The following METTL15 variants were observed in gnomAD, a reference collection of about 807,000 sequenced individuals.
METTL15 encodes the protein methyltransferase 15, mitochondrial 12S rRNA N4-cytidine, also known as 12S rRNA N(4)-cytidine methyltransferase METTL15.
METTL15 carries 34 observed loss-of-function variants against 38.3 expected under a neutral mutation model. The observed-to-expected ratio is 0.89, with a 90% CI of 0.68 to 1.18. The LOEUF is 1.18. Ranked by LOEUF, METTL15 falls within the 50% of genes most tolerant of loss-of-function variation. The pLI, the probability that METTL15 is intolerant of heterozygous loss-of-function variation, is 0.00. For synonymous variants in METTL15, 162 were observed against 170.9 expected (o/e 0.95, Z 0.41); for missense variants, 438 against 498.4 (o/e 0.88, Z 1.15).
intron 6 of METTL15, among the ~76,000 whole-genome samples, chr11:28,434,147 G>A (rs1378704342): frequency 6.6e-6 from 1 of 152,102 alleles, no homozygotes; most frequent in African/African-American, 2.4e-5. Context: ...CTGTTCTTGT[G>A]ATAGTGAGTT....
intron 6 of METTL15, among the ~76,000 whole-genome samples, chr11:28,444,506 T>A (rs1408184307): frequency 1.3e-5 from 2 of 152,212 alleles, no homozygotes; most frequent in East Asian, 3.8e-4. Context: ...ACTACTCAAC[T>A]GTAAGCCCAC....
intron 3 of METTL15, among the ~76,000 whole-genome samples, chr11:28,119,945 G>A (rs1852142262): frequency 6.6e-6 from 1 of 152,038 alleles, no homozygotes; most frequent in Non-Finnish European, 1.5e-5. Flanking sequence ...GCACCTAGAG[G>A]GAGATATCTT....
At position 28,369,005 on chromosome 11, in the gene METTL15, G is replaced by T. The variant is rs528647354; in HGVS notation, c.*358+6969G>T. On this transcript the variant is annotated intron_variant and NMD_transcript_variant, in intron 5 of 7. Transcript: ENST00000532947. ...CATCACACACTGGGGCCTGTCAGAG[G>T]GTGGGGAGCTAGGGGAGGGATAACA... 2.6e-5 allele frequency among the ~76,000 whole-genome samples: 4 copies of T among 152,130 alleles called. No homozygotes were observed. In the South Asian group the frequency reaches 6.2e-4, roughly 24 times the overall value.
intron 6 of METTL15, among the ~76,000 whole-genome samples, chr11:28,464,687 T>C (rs945471303): frequency 6.6e-6 from 1 of 152,212 alleles, no homozygotes; most frequent in Non-Finnish European, 1.5e-5. Flanking sequence ...CGTATGCCTG[T>C]GCTTTATCTA....
chr11:28,347,028 T>C (rs2133358388), intron 3 of METTL15, among the ~76,000 whole-genome samples: 1 of 152,336 alleles, frequency 6.6e-6, no homozygotes, highest in South Asian at 2.1e-4. Flanking sequence ...TAAGAGGAAA[T>C]TGATACTTAA....
At chr11:28,108,904 A>T (rs1020930746) in intron 1 of METTL15, among the ~76,000 whole-genome samples, 3 of 152,212 alleles carry the variant, frequency 2.0e-5, no homozygotes, top group Admixed American at 2.0e-4. Flanking sequence ...ACCTGGAACA[A>T]ATCGGAAATA....
chr11:28,386,550 G>T (rs552538979), intron 5 of METTL15, among the ~76,000 whole-genome samples: 49 of 152,062 alleles, frequency 3.2e-4, no homozygotes, highest in African/African-American at 1.1e-3. Context: ...AAACATGTCT[G>T]TCATTGGAGC....
chr11:28,393,652 C>T (rs1031550519), intron 5 of METTL15, among the ~76,000 whole-genome samples: 1 of 152,090 alleles, frequency 6.6e-6, no homozygotes, highest in Admixed American at 6.6e-5. Context: ...AGACTGCCTT[C>T]TCTCAGAACA....
chr11:28,390,971 A>T (rs1850499654), intron 5 of METTL15, among the ~76,000 whole-genome samples: 2 of 152,024 alleles, frequency 1.3e-5, no homozygotes, highest in African/African-American at 4.8e-5. Flanking sequence ...ATTCCTAAGT[A>T]TTTTATTCTC....
At chr11:28,327,896 G>T in intron 6 of METTL15, 1 of 442,354 alleles carries the variant, frequency 2.3e-6, no homozygotes, top group South Asian at 4.6e-5. Flanking sequence ...TGAATTAAGA[G>T]ATTCTGCATT....
At chr11:28,144,345 T>TG (rs1416447510) in intron 3 of METTL15, among the ~76,000 whole-genome samples, 1 of 152,126 alleles carries the variant, frequency 6.6e-6, no homozygotes. Flanking sequence ...ATAAAAAGTT[T>TG]GGGGGAAATA....
At chr11:28,295,963 T>G (rs1371871798) in intron 5 of METTL15, among the ~76,000 whole-genome samples, 1 of 152,150 alleles carries the variant, frequency 6.6e-6, no homozygotes, top group Non-Finnish European at 1.5e-5. Context: ...AACTCATCAC[T>G]TAGAATTCTT....
intron 4 of METTL15, among the ~76,000 whole-genome samples, chr11:28,238,126 C>T (rs955078547): frequency 6.6e-6 from 1 of 152,210 alleles, no homozygotes; most frequent in Non-Finnish European, 1.5e-5. Flanking sequence ...AACCACTGCT[C>T]TCTTCAAAGC....
chr11:28,138,000 T>G (rs909338063), intron 3 of METTL15, among the ~76,000 whole-genome samples: 2 of 152,168 alleles, frequency 1.3e-5, no homozygotes, highest in Non-Finnish European at 2.9e-5. Context: ...AGAGCAGGGC[T>G]AGGAAAGCAT....
At chr11:28,390,797 T>G (rs947939455) in intron 5 of METTL15, among the ~76,000 whole-genome samples, 6 of 152,202 alleles carry the variant, frequency 3.9e-5, no homozygotes, top group Non-Finnish European at 5.9e-5. Flanking sequence ...GGGATGGCAT[T>G]GAATCTATAA....
chr11:28,316,668 A>G (rs1313412544), intron 6 of METTL15, among the ~76,000 whole-genome samples: 3 of 152,126 alleles, frequency 2.0e-5, no homozygotes, highest in Non-Finnish European at 2.9e-5. Context: ...TCATTTAATA[A>G]CTCACATAAT....
At chr11:28,303,569 G>T (rs1856982167) in intron 6 of METTL15, among the ~76,000 whole-genome samples, 1 of 152,102 alleles carries the variant, frequency 6.6e-6, no homozygotes, top group Admixed American at 6.6e-5. Flanking sequence ...TTAGATATTT[G>T]TGATTCATGT....
intron 4 of METTL15, among the ~76,000 whole-genome samples, chr11:28,270,268 T>C (rs1855590244): frequency 6.6e-6 from 1 of 152,228 alleles, no homozygotes; most frequent in Admixed American, 6.5e-5. Flanking sequence ...AAATATTGCA[T>C]ATAGTTATCA....
chr11:28,321,919 A>G (rs1326419349), intron 6 of METTL15, among the ~76,000 whole-genome samples: 3 of 152,092 alleles, frequency 2.0e-5, no homozygotes, highest in Admixed American at 2.0e-4. Context: ...ATAGAAATGT[A>G]GTATATGATC....
Sources: gnomAD v4.1 joint callset for allele counts (sites outside exome capture counted in the v4.1 genomes callset) on GRCh38, gnomAD v4.1.1 for gene constraint, MANE v1.5 for transcripts, NCBI Gene and HGNC (gene_info 2026-07-23, HGNC 2026-07-21) for gene names.